Variants in MDGA2 observed in about 807,000 individuals in gnomAD.
MDGA2 encodes the protein MAM domain containing glycosylphosphatidylinositol anchor 2, also known as MAM domain-containing glycosylphosphatidylinositol anchor protein 2.
In MDGA2, 40 loss-of-function variants were observed where a neutral mutation model predicts 117.8. The ratio of observed to expected loss-of-function variants is 0.34; its 90% confidence interval spans 0.26 to 0.44. The LOEUF (loss-of-function observed/expected upper bound fraction) is 0.44, where lower values mean the gene tolerates loss of function less well. Among genes scored for constraint, MDGA2 ranks in the 20% least tolerant of loss-of-function variants. The pLI, the probability that MDGA2 is intolerant of heterozygous loss-of-function variation, is 1.00. For missense variants in MDGA2, 1,123 were observed against 1,250.6 expected (o/e 0.90, Z 1.54); for synonymous variants, 452 against 439.0 (o/e 1.03, Z -0.37).
chr14:47,660,205 G>C (rs1897819685), intron 1 of MDGA2, among the ~76,000 whole-genome samples: 1 of 152,138 alleles, frequency 6.6e-6, no homozygotes. Flanking sequence ...AGACTCAATT[G>C]CCTCTGAAAA....
chr14:47,251,821 C>T (rs953109239), intron 2 of MDGA2, among the ~76,000 whole-genome samples: 4 of 152,118 alleles, frequency 2.6e-5, no homozygotes, highest in Admixed American at 2.0e-4. Context: ...GCTGTCTCTG[C>T]TTATTAGTTG....
At position 46,855,128 on chromosome 14, in the gene MDGA2, T is replaced by G; in HGVS notation, c.2779A>C (p.Lys927Gln). 1 of 1,609,356 alleles carries G rather than the reference T, an allele frequency of 6.2e-7. No homozygotes were observed. The change falls in exon 15 of 17, where the codon AAA (lysine) becomes CAA (glutamine). Residue 927 changes from lysine to glutamine, a missense_variant. Transcript: ENST00000399232. This position sits in a 1 kb window ranked among gnomAD's most constrained non-coding sequence, Gnocchi z 4.1. ...IGVLNVYLRL[K>Q]GQTTIENPLW... Reference sequence around the variant, plus strand: ...GGATTCTCTATTGTTGTTTGCCCTTTCAAACGTAGATAAACATTTAAGACA... The same window carrying G: ...GGATTCTCTATTGTTGTTTGCCCTTGCAAACGTAGATAAACATTTAAGACA...
chr14:47,033,224 A>G (rs1888724679), intron 8 of MDGA2, among the ~76,000 whole-genome samples: 2 of 152,222 alleles, frequency 1.3e-5, no homozygotes, highest in South Asian at 4.1e-4. Flanking sequence ...TAGTTAATCA[A>G]TAGAATTCTG....
chr14:47,130,833 G>T (rs974433419), intron 5 of MDGA2, among the ~76,000 whole-genome samples: 2 of 152,064 alleles, frequency 1.3e-5, no homozygotes, highest in African/African-American at 4.8e-5. Flanking sequence ...CACTTTTAGA[G>T]ATTTTTGTTT....
intron 1 of MDGA2, among the ~76,000 whole-genome samples, chr14:47,566,906 C>CT (rs55759791): frequency 6.1e-5 from 9 of 147,742 alleles, no homozygotes; most frequent in Admixed American, 1.3e-4. Flanking sequence ...ATCCATCTTC[C>CT]TTTTTTTTTT....
intron 3 of MDGA2, among the ~76,000 whole-genome samples, chr14:47,177,521 AATC>A (rs1374889894): frequency 6.6e-6 from 1 of 152,182 alleles, no homozygotes; most frequent in African/African-American, 2.4e-5. Context: ...TGAAATTGGA[AATC>A]ATCATTCTCA....
intron 1 of MDGA2, among the ~76,000 whole-genome samples, chr14:47,328,382 T>C (rs1454606406): frequency 1.3e-5 from 2 of 152,120 alleles, no homozygotes; most frequent in Admixed American, 6.6e-5. Flanking sequence ...AAAGAAGTGT[T>C]TGGAGAAGAA....
rs1359369020 is a variant in MDGA2, at chr14:47,461,258, T to TA, written c.281-159709dup. Among the ~76,000 whole-genome samples, 65 of 148,224 alleles carry TA rather than the reference T, an allele frequency of 4.4e-4. 1 individual carries two copies. Among genetic ancestry groups the TA allele is most frequent in the Admixed American group, 6.2e-4 (9 of 14,402 alleles). ...TCTCATCATTCCATGTAGTCCAAGTTAAAAAAATGTATGTGTGTGTGTGTG... is the reference window on the plus strand; with the variant it reads ...TCTCATCATTCCATGTAGTCCAAGTTAAAAAAAATGTATGTGTGTGTGTGTG... On this transcript the variant is annotated intron_variant, in intron 1 of 16. Coordinates refer to ENST00000399232, the MANE Select transcript of MDGA2 (RefSeq NM_001113498.3).
chr14:47,325,083 GA>G (rs557265222), intron 1 of MDGA2, among the ~76,000 whole-genome samples: 137 of 151,912 alleles, frequency 9.0e-4, no homozygotes, highest in African/African-American at 2.5e-3. Flanking sequence ...AGGAGAAAGA[GA>G]AAAAAAACTA....
At chr14:47,401,036 C>A (rs1228752118) in intron 1 of MDGA2, among the ~76,000 whole-genome samples, 6 of 151,460 alleles carry the variant, frequency 4.0e-5, no homozygotes, top group South Asian at 2.1e-4. Context: ...GGATTACAGG[C>A]GTGAGCCACC....
intron 7 of MDGA2, chr14:47,059,375 T>C: frequency 1.6e-6 from 2 of 1,214,838 alleles, no homozygotes; most frequent in Non-Finnish European, 1.1e-6. Context: ...TCTCCAATAG[T>C]GTTACCTTGG....
chr14:47,194,189 A>G (rs984085685), intron 3 of MDGA2, among the ~76,000 whole-genome samples: 1 of 152,190 alleles, frequency 6.6e-6, no homozygotes, highest in African/African-American at 2.4e-5. Flanking sequence ...GCTCTTAAAT[A>G]CTTTGAGAGA....
intron 2 of MDGA2, among the ~76,000 whole-genome samples, chr14:47,280,751 G>C (rs889867202): frequency 2.6e-5 from 4 of 151,790 alleles, no homozygotes; most frequent in African/African-American, 9.7e-5. Flanking sequence ...TTATCACACA[G>C]CTTCAACAAA....
At chr14:47,622,698 C>G (rs984306562) in intron 1 of MDGA2, among the ~76,000 whole-genome samples, 1 of 152,090 alleles carries the variant, frequency 6.6e-6, no homozygotes, top group African/African-American at 2.4e-5. Context: ...CCCATGGATG[C>G]GGAAATCTTC....
At chr14:47,544,032 T>C (rs567071494) in intron 1 of MDGA2, among the ~76,000 whole-genome samples, 234 of 152,334 alleles carry the variant, frequency 1.5e-3, no homozygotes, top group African/African-American at 5.3e-3. Flanking sequence ...CTCAGGCATA[T>C]CTTGAAGCTT....
intron 1 of MDGA2, among the ~76,000 whole-genome samples, chr14:47,356,120 T>C (rs1361700342): frequency 6.6e-6 from 1 of 152,150 alleles, no homozygotes; most frequent in Admixed American, 6.5e-5. Context: ...GGGTAACACC[T>C]TGGATTCATC....
At chr14:47,658,958 C>T (rs1897795355) in intron 1 of MDGA2, among the ~76,000 whole-genome samples, 2 of 152,154 alleles carry the variant, frequency 1.3e-5, no homozygotes, top group African/African-American at 4.8e-5. Context: ...TTCCCAGGCT[C>T]CCTTCTTCCC....
intron 8 of MDGA2, among the ~76,000 whole-genome samples, chr14:47,009,525 T>A (rs1040764367): frequency 1.3e-5 from 2 of 152,008 alleles, no homozygotes; most frequent in African/African-American, 4.8e-5. Context: ...ACCAAGCACA[T>A]TTAAGTTCTA....
intron 3 of MDGA2, among the ~76,000 whole-genome samples, chr14:47,161,279 T>C (rs907769912): frequency 1.3e-5 from 2 of 152,112 alleles, no homozygotes; most frequent in Non-Finnish European, 2.9e-5. Context: ...GATTTTCCAT[T>C]GAATTTAGCA....
Sources: allele counts gnomAD v4.1 joint callset (sites outside exome capture counted in the v4.1 genomes callset), GRCh38; gene constraint gnomAD v4.1.1; non-coding constraint Gnocchi (gnomAD v3.1); transcripts MANE v1.5; gene names NCBI Gene and HGNC (gene_info 2026-07-23, HGNC 2026-07-21).